The following ADAMTS6 variants were observed in gnomAD, a reference collection of about 807,000 sequenced individuals.
The protein encoded by ADAMTS6 is ADAM metallopeptidase with thrombospondin type 1 motif 6.
ADAMTS6 carries 23 observed loss-of-function variants against 144.3 expected under a neutral mutation model. The observed-to-expected ratio is 0.16, with a 90% CI of 0.11 to 0.23. ADAMTS6 has a LOEUF of 0.23. ADAMTS6 is among the 10% of genes least tolerant of loss of function. ADAMTS6 has a pLI of 1.00. For synonymous variants in ADAMTS6, 444 were observed against 457.5 expected (o/e 0.97, Z 0.38); for missense variants, 999 against 1,379.6 (o/e 0.72, Z 4.37).
At chr5:65,424,642 T>C (rs189788526) in intron 7 of ADAMTS6, among the ~76,000 whole-genome samples, 12 of 152,200 alleles carry the variant, frequency 7.9e-5, no homozygotes, top group African/African-American at 7.2e-5. Context: ...TTCTGAAACA[T>C]AGTAATGGAT....
chr5:65,333,998 A>G, intron 8 of ADAMTS6, 44 bp downstream of exon 8: 1 of 143,004 alleles, frequency 7.0e-6, no homozygotes, highest in Non-Finnish European at 1.1e-5. Flanking sequence ...TACCTTTATT[A>G]AAAAAAAAAA....
intron 15 of ADAMTS6, among the ~76,000 whole-genome samples, chr5:65,238,599 C>CAAA (rs201993510): frequency 8.5e-6 from 1 of 117,448 alleles, no homozygotes. Flanking sequence ...GACCCTGTCT[C>CAAA]AAAAAAAAAA....
rs1330375586 is a variant in ADAMTS6 at position 65,382,521 on chromosome 5, T to C, written c.1074-48436A>G. 6.6e-5 allele frequency among the ~76,000 whole-genome samples: 10 copies of C among 152,242 alleles called. No homozygotes were observed. The East Asian group carries it at 1.7e-3, about 26-fold the overall frequency. On this transcript the variant is annotated intron_variant, in intron 7 of 24. Transcript: ENST00000381055. ...GATGTTGAGCCATCAGCTTGTATCC[T>C]TGCATAAAGCACTTAAGAATTTCAA... is the stretch of plus-strand genomic sequence containing the variant.
intron 24 of ADAMTS6, among the ~76,000 whole-genome samples, chr5:65,152,478 A>G (rs1427634662): frequency 6.6e-6 from 1 of 152,254 alleles, no homozygotes; most frequent in East Asian, 1.9e-4. Flanking sequence ...TTCAGCAACT[A>G]CACTAGACAA....
intron 1 of ADAMTS6, among the ~76,000 whole-genome samples, chr5:65,476,163 G>T (rs1427141976): frequency 1.3e-5 from 2 of 152,166 alleles, no homozygotes; most frequent in African/African-American, 4.8e-5. Flanking sequence ...TAACTAACAA[G>T]GAACTAAGGC....
intron 9 of ADAMTS6, among the ~76,000 whole-genome samples, chr5:65,319,729 G>GAGGGAGGGTGGGAAGGA (rs1745385663): frequency 2.9e-5 from 1 of 34,386 alleles, no homozygotes; most frequent in Admixed American, 3.8e-4. Flanking sequence ...GGGAGGGAGG[G>GAGGGAGGGTGGGAAGGA]AGGGAGGGAG....
intron 12 of ADAMTS6, among the ~76,000 whole-genome samples, chr5:65,271,384 A>T (rs1052411081): frequency 6.6e-6 from 1 of 151,732 alleles, no homozygotes; most frequent in Non-Finnish European, 1.5e-5. Flanking sequence ...TCTAAAAAAA[A>T]AAAAAAAAAA....
chr5:65,470,306 A>G (rs1760335643), intron 3 of ADAMTS6, among the ~76,000 whole-genome samples: 1 of 152,198 alleles, frequency 6.6e-6, no homozygotes, highest in Non-Finnish European at 1.5e-5. Context: ...ACACTGTATA[A>G]AAGATTTTAC....
intron 7 of ADAMTS6, among the ~76,000 whole-genome samples, chr5:65,389,323 T>C (rs74484470): frequency 0.047 from 7,222 of 152,246 alleles, 357 homozygotes; most frequent in African/African-American, 0.13. Flanking sequence ...GAAACCTGTG[T>C]CATACTCACT....
intron 7 of ADAMTS6, among the ~76,000 whole-genome samples, chr5:65,363,341 G>A (rs1247359470): frequency 6.6e-6 from 1 of 151,914 alleles, no homozygotes; most frequent in African/African-American, 2.4e-5. Context: ...TTTAATCTAC[G>A]ACCAGCAAGG....
chr5:65,254,907 T>C (rs543278712), intron 14 of ADAMTS6, among the ~76,000 whole-genome samples: 7 of 152,332 alleles, frequency 4.6e-5, no homozygotes, highest in African/African-American at 1.7e-4. Context: ...GGGAAGAGAA[T>C]ATGATTACAA....
In ADAMTS6 at chr5:65,338,533, C is replaced by T. The variant is rs146683915; in HGVS notation, c.1074-4448G>A. Among the ~76,000 whole-genome samples the T allele has an allele frequency of 2.7e-3, 417 of 152,352 alleles. 2 individuals are homozygous for T. Among genetic ancestry groups the T allele is most frequent in the African/African-American group, 9.3e-3 (386 of 41,584 alleles). On this transcript the variant is annotated intron_variant, in intron 7 of 24. Transcript: ENST00000381055. ...GCATTTTAAGATCTCCAAAATATAG[C>T]GTTACCTTCCACCACCAGCAGACAT... is the stretch of plus-strand genomic sequence containing the variant.
intron 18 of ADAMTS6, among the ~76,000 whole-genome samples, chr5:65,218,904 T>C (rs531775458): frequency 3.9e-5 from 6 of 152,226 alleles, no homozygotes; most frequent in African/African-American, 7.2e-5. Flanking sequence ...AATGGTGCAA[T>C]ATTATTTGGC....
intron 14 of ADAMTS6, among the ~76,000 whole-genome samples, chr5:65,243,183 T>C (rs1042334920): frequency 3.9e-5 from 6 of 152,096 alleles, no homozygotes; most frequent in African/African-American, 1.4e-4. Context: ...AAAAAAAGAA[T>C]ATGTCACTAG....
At chr5:65,471,642 C>T (rs1339476212) in intron 2 of ADAMTS6, among the ~76,000 whole-genome samples, 1 of 152,078 alleles carries the variant, frequency 6.6e-6, no homozygotes, top group Non-Finnish European at 1.5e-5. Flanking sequence ...CCTGTAGTCT[C>T]AGCTACTCTG....
In ADAMTS6 at chr5:65,149,033, A is replaced by T. The variant is rs1166347756; in HGVS notation, c.*2803T>A. The T allele has an allele frequency of 6.5e-6, 1 of 152,686 alleles. No individual in the cohort carries two copies. Among genetic ancestry groups the T allele is most frequent in the Non-Finnish European group, 1.5e-5 (1 of 68,040 alleles). 9.5% of individuals were successfully genotyped at this position (152,686 alleles called of 1,614,324 possible). A position where few individuals can be genotyped will look rare whatever the true frequency, so the allele number is the denominator to read the frequency against. On this transcript the variant is annotated 3_prime_UTR_variant, in exon 25 of 25. Coordinates refer to ENST00000381055, the MANE Select transcript of ADAMTS6 (RefSeq NM_197941.4). ...CTGTGTTACTGAGGATACCTATGTG[A>T]CATTCATTCAAACAAAAAAGTTCCT...
At chr5:65,394,204 T>C (rs1319309401) in intron 7 of ADAMTS6, among the ~76,000 whole-genome samples, 1 of 152,214 alleles carries the variant, frequency 6.6e-6, no homozygotes, top group Non-Finnish European at 1.5e-5. Context: ...CTTGCAACAC[T>C]GGCCTTTGGA....
At chr5:65,297,913 G>T (rs1268370057) in intron 10 of ADAMTS6, among the ~76,000 whole-genome samples, 1 of 152,092 alleles carries the variant, frequency 6.6e-6, no homozygotes, top group East Asian at 1.9e-4. Flanking sequence ...ATGCACATGA[G>T]AAATATTTTT....
chr5:65,222,897 A>C (rs1245858537), intron 18 of ADAMTS6, among the ~76,000 whole-genome samples: 1 of 152,022 alleles, frequency 6.6e-6, no homozygotes, highest in African/African-American at 2.4e-5. Flanking sequence ...ACTTCAAAAA[A>C]TGAAGACGCA....
Sources: gnomAD v4.1 joint callset for allele counts (sites outside exome capture counted in the v4.1 genomes callset) on GRCh38, gnomAD v4.1.1 for gene constraint, MANE v1.5 for transcripts, NCBI Gene and HGNC (gene_info 2026-07-23, HGNC 2026-07-21) for gene names.